The following LRRC4C variants were observed in gnomAD, a reference collection of about 807,000 sequenced individuals.
LRRC4C encodes the protein leucine-rich repeat-containing protein 4C.
A neutral mutation model predicts 33.6 loss-of-function variants in LRRC4C; 5 were observed. The ratio of observed to expected loss-of-function variants is 0.15; its 90% CI spans 0.08 to 0.31. The LOEUF is 0.31. Ranked by LOEUF, LRRC4C falls within the 10% of genes least tolerant of loss-of-function variation. The pLI, the probability that LRRC4C is intolerant of heterozygous loss-of-function variation, is 1.00. For synonymous variants in LRRC4C, 329 were observed against 302.0 expected (o/e 1.09, Z -0.93); for missense variants, 560 against 796.7 (o/e 0.70, Z 3.58).
intron 2 of LRRC4C, among the ~76,000 whole-genome samples, chr11:40,740,251 A>G (rs1176796739): frequency 1.3e-5 from 2 of 151,798 alleles, no homozygotes; most frequent in East Asian, 3.9e-4. Context: ...TGTTTTCCAT[A>G]ATGGTTTTAG....
At chr11:40,419,271 T>C (rs958397849) in intron 3 of LRRC4C, among the ~76,000 whole-genome samples, 2 of 152,142 alleles carry the variant, frequency 1.3e-5, no homozygotes, top group African/African-American at 2.4e-5. Context: ...TGAGAAATAT[T>C]TCTCAAAATA....
chr11:40,671,941 A>C (rs1033407418), intron 2 of LRRC4C, among the ~76,000 whole-genome samples: 3 of 152,156 alleles, frequency 2.0e-5, no homozygotes, highest in African/African-American at 7.2e-5. Flanking sequence ...GGTACTTAGT[A>C]AACAATTGGT....
At chr11:40,633,938 G>A (rs1195431323) in intron 3 of LRRC4C, among the ~76,000 whole-genome samples, 4 of 152,110 alleles carry the variant, frequency 2.6e-5, no homozygotes, top group African/African-American at 4.8e-5. Flanking sequence ...AAAACTTGTA[G>A]ACTAAATAAA....
chr11:40,752,566 C>T (rs1040493654), intron 2 of LRRC4C, among the ~76,000 whole-genome samples: 1 of 151,496 alleles, frequency 6.6e-6, no homozygotes, highest in African/African-American at 2.4e-5. Context: ...ACCCGAGTTA[C>T]AATGGCTATT....
intron 2 of LRRC4C, among the ~76,000 whole-genome samples, chr11:40,767,926 G>T (rs2137136119): frequency 6.6e-6 from 1 of 151,220 alleles, no homozygotes; most frequent in African/African-American, 2.4e-5. Flanking sequence ...AAATACAGGA[G>T]CAAACCAAAC....
chr11:41,211,509 G>A (rs1468582300), intron 1 of LRRC4C, among the ~76,000 whole-genome samples: 2 of 151,858 alleles, frequency 1.3e-5, no homozygotes, highest in Non-Finnish European at 2.9e-5. Context: ...GCCCCAGTGT[G>A]TGATGTTCCC....
At chr11:40,972,047 AG>A (rs1454518104) in intron 1 of LRRC4C, among the ~76,000 whole-genome samples, 1 of 152,012 alleles carries the variant, frequency 6.6e-6, no homozygotes, top group African/African-American at 2.4e-5. Flanking sequence ...GAATGGGACT[AG>A]CCTTTTCTTA....
chr11:40,332,906 A>G (rs1946426710), intron 3 of LRRC4C, among the ~76,000 whole-genome samples: 1 of 152,218 alleles, frequency 6.6e-6, no homozygotes, highest in South Asian at 2.1e-4. Flanking sequence ...GTCAAGCCAT[A>G]TCATTAACAT....
At chr11:40,601,211 C>T (rs962079007) in intron 3 of LRRC4C, among the ~76,000 whole-genome samples, 6 of 152,244 alleles carry the variant, frequency 3.9e-5, no homozygotes, top group South Asian at 4.2e-4. Flanking sequence ...TTACTATTTC[C>T]GAATGACTTT....
intron 3 of LRRC4C, among the ~76,000 whole-genome samples, chr11:40,374,650 T>C (rs538875027): frequency 6.6e-6 from 1 of 152,268 alleles, no homozygotes; most frequent in South Asian, 2.1e-4. Flanking sequence ...TAGGAGTTCA[T>C]TTCATATCCA....
At chr11:40,440,445 T>C (rs1951342841) in intron 3 of LRRC4C, among the ~76,000 whole-genome samples, 1 of 152,082 alleles carries the variant, frequency 6.6e-6, no homozygotes, top group South Asian at 2.1e-4. Flanking sequence ...ATATTCAACC[T>C]CAGCCTTGGT....
chr11:40,189,637 A>G (rs1358436693), intron 5 of LRRC4C, among the ~76,000 whole-genome samples: 10 of 152,226 alleles, frequency 6.6e-5, no homozygotes, highest in Admixed American at 6.5e-4. Context: ...GACACTGGCT[A>G]AAAGATCAAA....
chr11:41,084,835 T>C (rs749486693), intron 1 of LRRC4C, among the ~76,000 whole-genome samples: 2 of 151,952 alleles, frequency 1.3e-5, no homozygotes, highest in Non-Finnish European at 1.5e-5. Flanking sequence ...GGTGAAAGAG[T>C]GAGACTCTGT....
intron 4 of LRRC4C, among the ~76,000 whole-genome samples, chr11:40,243,586 T>A (rs538772871): frequency 1.3e-5 from 2 of 152,212 alleles, no homozygotes; most frequent in East Asian, 3.9e-4. Flanking sequence ...TTGTGCTAGG[T>A]TTCCTATGTA....
chr11:41,148,517 A>G (rs201957752), intron 1 of LRRC4C, among the ~76,000 whole-genome samples: 1 of 152,180 alleles, frequency 6.6e-6, no homozygotes, highest in East Asian at 1.9e-4. Flanking sequence ...TTAATCTTCA[A>G]TAGCCAGAAA....
rs554240289 is a variant in LRRC4C at position 40,319,968 on chromosome 11, T to C, written c.-269-247A>G. ...TATACAACATATAAATATATACATA[T>C]ATCTATTTGATTTAGTTTACCAACT... On this transcript the variant is annotated intron_variant, in intron 3 of 6. Transcript: ENST00000528697. Among the ~76,000 whole-genome samples the C allele has an allele frequency of 4.6e-5, 7 of 152,192 alleles. No individual in the cohort carries two copies. The South Asian group carries it at 1.2e-3, about 27-fold the overall frequency.
intron 2 of LRRC4C, among the ~76,000 whole-genome samples, chr11:40,727,739 A>G (rs1276400601): frequency 6.6e-6 from 1 of 152,150 alleles, no homozygotes; most frequent in Non-Finnish European, 1.5e-5. Flanking sequence ...ACAAGCAGGC[A>G]AAGAACATGT....
chr11:40,286,156 T>A (rs1350912808), intron 4 of LRRC4C, among the ~76,000 whole-genome samples: 3 of 152,130 alleles, frequency 2.0e-5, no homozygotes, highest in Non-Finnish European at 4.4e-5. Context: ...TAAACTATCA[T>A]TTTTCCTGTA....
At chr11:40,364,400 C>T (rs1948113616) in intron 3 of LRRC4C, among the ~76,000 whole-genome samples, 1 of 151,880 alleles carries the variant, frequency 6.6e-6, no homozygotes, top group African/African-American at 2.4e-5. Context: ...AAAAATGACC[C>T]AAATTAAGCT....
Sources: gnomAD v4.1 joint callset for allele counts (sites outside exome capture counted in the v4.1 genomes callset) on GRCh38, gnomAD v4.1.1 for gene constraint, MANE v1.5 for transcripts, NCBI Gene and HGNC (gene_info 2026-07-23, HGNC 2026-07-21) for gene names.